AKAP12: variants seen among roughly 807,000 people sequenced by gnomAD.
The protein encoded by AKAP12 is A-kinase anchoring protein 12.
A neutral mutation model predicts 79.9 loss-of-function variants in AKAP12; 32 were observed. The observed-to-expected ratio is 0.40, with a 90% CI of 0.30 to 0.54. AKAP12 has a LOEUF of 0.54. Ranked by LOEUF, AKAP12 falls within the 20% of genes least tolerant of loss-of-function variation. The probability of loss-of-function intolerance (pLI) is 0.48; values close to 1 mark genes in which losing one functional copy is unlikely to be tolerated. For synonymous variants in AKAP12, 808 were observed against 857.0 expected (o/e 0.94, Z 1.00); for missense variants, 2,074 against 2,177.0 (o/e 0.95, Z 0.94).
At chr6:151,302,348 G>C (rs115679295) in intron 2 of AKAP12, among the ~76,000 whole-genome samples, 118 of 152,102 alleles carry the variant, frequency 7.8e-4, no homozygotes, top group African/African-American at 2.8e-3. Flanking sequence ...ATTTGGAGAC[G>C]AGGGTCTCTC....
rs1778246857 is a variant in AKAP12 at position 151,350,307 on chromosome 6, A to G, written c.1916A>G (p.Lys639Arg). ...SDKEDELDKVKSATLSSTEST... is the reference protein window; with the variant it reads ...SDKEDELDKVRSATLSSTEST... ...AAAGAAGATGAGCTGGACAAGGTCAAGAGCGCTACCTTGTCTTCCACCGAG... is the reference window on the plus strand; with the variant it reads ...AAAGAAGATGAGCTGGACAAGGTCAGGAGCGCTACCTTGTCTTCCACCGAG... Residue 639 changes from lysine (K) to arginine (R), a missense_variant, in exon 4 of 5, where the codon AAG becomes AGG. Lys to Arg is a conservative substitution (Grantham distance 26, BLOSUM62 2). Coordinates refer to ENST00000402676, the MANE Select transcript of AKAP12 (RefSeq NM_005100.4). The surrounding 1 kb of genome is among the most constrained non-coding windows in gnomAD (Gnocchi z 4.8). 6.2e-7 allele frequency: 1 copy of G among 1,613,240 alleles called. No homozygotes were observed. Among genetic ancestry groups the G allele is most frequent in the Admixed American group, 1.7e-5 (1 of 59,952 alleles).
At chr6:151,270,213 C>T (rs1005840983) in intron 2 of AKAP12, among the ~76,000 whole-genome samples, 16 of 152,124 alleles carry the variant, frequency 1.1e-4, no homozygotes, top group Admixed American at 7.2e-4. Context: ...TGCACCACCA[C>T]GCTGGGCTAA....
At chr6:151,314,464 A>G (rs1777193286) in intron 3 of AKAP12, among the ~76,000 whole-genome samples, 2 of 152,230 alleles carry the variant, frequency 1.3e-5, no homozygotes, top group Admixed American at 6.5e-5. Context: ...AAATCCCTTC[A>G]CAAATGTGGC....
At chr6:151,320,129 G>C (rs1777340018) in intron 3 of AKAP12, among the ~76,000 whole-genome samples, 1 of 152,086 alleles carries the variant, frequency 6.6e-6, no homozygotes, top group Non-Finnish European at 1.5e-5. Context: ...CCTAATATTG[G>C]TTTTAATTCT....
At chr6:151,324,321 A>G (rs1180447328) in intron 3 of AKAP12, 1 of 985,212 alleles carries the variant, frequency 1.0e-6, no homozygotes, top group Non-Finnish European at 1.2e-6. Flanking sequence ...AGGCTTTTGG[A>G]GAGGCTGAAG....
intron 3 of AKAP12, among the ~76,000 whole-genome samples, chr6:151,314,029 A>AT (rs35333537): frequency 0.055 from 7,632 of 138,646 alleles, 627 homozygotes; most frequent in African/African-American, 0.18. Flanking sequence ...GGCTTTTCTA[A>AT]TTTTTTTTTT....
intron 2 of AKAP12, among the ~76,000 whole-genome samples, chr6:151,256,426 G>C (rs2114691861): frequency 6.6e-6 from 1 of 152,204 alleles, no homozygotes; most frequent in South Asian, 2.1e-4. Context: ...TTGAACAGTA[G>C]GGTGTGACTT....
At chr6:151,291,488 A>G (rs1453597886) in intron 2 of AKAP12, among the ~76,000 whole-genome samples, 2 of 152,156 alleles carry the variant, frequency 1.3e-5, no homozygotes. Context: ...CTTAGGAATC[A>G]GTTGCCCTAG....
At chr6:151,279,735 T>C (rs755807537) in intron 2 of AKAP12, among the ~76,000 whole-genome samples, 5 of 151,674 alleles carry the variant, frequency 3.3e-5, no homozygotes, top group Admixed American at 6.6e-5. Context: ...TCCTAGCTAC[T>C]GGGGGGAGGC....
intron 2 of AKAP12, among the ~76,000 whole-genome samples, chr6:151,287,092 A>G (rs1399038712): frequency 3.3e-5 from 5 of 151,642 alleles, no homozygotes; most frequent in Admixed American, 3.3e-4. Flanking sequence ...GGCGCCCGCC[A>G]CCATGCCCGG....
At chr6:151,344,761 T>C (rs1778044709) in intron 3 of AKAP12, among the ~76,000 whole-genome samples, 1 of 152,110 alleles carries the variant, frequency 6.6e-6, no homozygotes, top group Non-Finnish European at 1.5e-5. Flanking sequence ...CTCAAACTCC[T>C]GACCTTAAAT....
At chr6:151,329,202 C>T (rs1453247210) in intron 3 of AKAP12, among the ~76,000 whole-genome samples, 1 of 152,088 alleles carries the variant, frequency 6.6e-6, no homozygotes, top group Non-Finnish European at 1.5e-5. Flanking sequence ...GCAACCTCCA[C>T]CTCCCGGGTT....
chr6:151,339,894 C>T (rs1304894624), intron 3 of AKAP12, among the ~76,000 whole-genome samples: 3 of 151,816 alleles, frequency 2.0e-5, no homozygotes, highest in African/African-American at 7.3e-5. Flanking sequence ...AAGTTCCCTC[C>T]GTGTATTTTC....
intron 2 of AKAP12, among the ~76,000 whole-genome samples, chr6:151,276,714 A>G (rs1366677354): frequency 4.6e-5 from 7 of 152,200 alleles, no homozygotes; most frequent in Non-Finnish European, 1.0e-4. Flanking sequence ...GAAGAAACTT[A>G]TGTATTTATT....
intron 2 of AKAP12, among the ~76,000 whole-genome samples, chr6:151,260,240 G>A (rs929902308): frequency 2.0e-5 from 3 of 152,236 alleles, no homozygotes; most frequent in African/African-American, 7.2e-5. Context: ...GAGGTGACTG[G>A]TATCATTCCC....
intron 3 of AKAP12, among the ~76,000 whole-genome samples, chr6:151,330,434 G>A (rs533444274): frequency 1.9e-4 from 29 of 152,266 alleles, no homozygotes; most frequent in African/African-American, 6.5e-4. Flanking sequence ...GATTGGGTGT[G>A]TAGCCTATAA....
chr6:151,348,819 C>G lies in AKAP12; in HGVS notation c.428C>G (p.Pro143Arg), dbSNP rs777975144. ...ACAGATGATGGGCAGGAGGAGACAC[C>G]CGAAATAATCGAACAGATTCCTTCT... ...DITDDGQEETPEIIEQIPSSE... is the reference protein window; with the variant it reads ...DITDDGQEETREIIEQIPSSE... The change falls in exon 4 of 5, where the codon CCC becomes CGC. Residue 143 changes from proline to arginine, a missense_variant. Pro to Arg is a moderately radical substitution (Grantham distance 103). This residue lies in a region of AKAP12 where 1,428 missense variants were observed against 1,451.0 expected (regional missense o/e 0.98). Coordinates refer to ENST00000402676, the MANE Select transcript of AKAP12 (RefSeq NM_005100.4). 5 of 1,613,912 alleles carry G rather than the reference C, an allele frequency of 3.1e-6. No homozygotes were observed. Among genetic ancestry groups the G allele is most frequent in the Non-Finnish European group, 4.2e-6 (5 of 1,179,988 alleles).
At chr6:151,259,487 C>CAG (rs1797371476) in intron 2 of AKAP12, among the ~76,000 whole-genome samples, 1 of 74,318 alleles carries the variant, frequency 1.3e-5, no homozygotes. Flanking sequence ...TATATATACA[C>CAG]ACACATATAC....
intron 2 of AKAP12, among the ~76,000 whole-genome samples, chr6:151,267,350 G>A (rs1219030865): frequency 4.6e-5 from 7 of 152,190 alleles, no homozygotes; most frequent in Non-Finnish European, 1.0e-4. Context: ...GCACCAGTCA[G>A]CATCTATTTG....
Sources: gnomAD v4.1 joint callset for allele counts (sites outside exome capture counted in the v4.1 genomes callset) on GRCh38, gnomAD v4.1.1 for gene constraint, gnomAD v4.1.1 regional missense constraint, Gnocchi (gnomAD v3.1) non-coding constraint, MANE v1.5 for transcripts, NCBI Gene and HGNC (gene_info 2026-07-23, HGNC 2026-07-21) for gene names.